Variants in EML6 observed in about 807,000 individuals in gnomAD.
EML6 encodes the protein echinoderm microtubule-associated protein-like 6.
A neutral mutation model predicts 240.1 loss-of-function variants in EML6; 154 were observed. The ratio of observed to expected loss-of-function variants is 0.64; its 90% CI spans 0.56 to 0.73. The LOEUF is 0.73. EML6 is among the 30% of genes least tolerant of loss of function. The pLI is 0.00. For missense variants in EML6, 2,964 were observed against 2,474.6 expected, an observed-to-expected ratio of 1.20 and a Z score of -4.20; for synonymous variants, 1,148 against 899.0, an observed-to-expected ratio of 1.28 and a Z score of -4.95.
At chr2:54,836,429 T>G (rs1249334186) in intron 7 of EML6, among the ~76,000 whole-genome samples, 2 of 152,174 alleles carry the variant, frequency 1.3e-5, no homozygotes, top group East Asian at 3.8e-4. Flanking sequence ...AGAGATTTTG[T>G]AAAAAGAAAT....
At chr2:54,927,311 T>G (rs1573159506) in intron 26 of EML6, among the ~76,000 whole-genome samples, 1 of 152,188 alleles carries the variant, frequency 6.6e-6, no homozygotes, top group Admixed American at 6.5e-5. Context: ...TGCACCTGTT[T>G]CCTGCTGTAT....
intron 28 of EML6, among the ~76,000 whole-genome samples, chr2:54,942,704 G>C (rs1280877759): frequency 1.3e-5 from 2 of 152,088 alleles, no homozygotes; most frequent in African/African-American, 4.8e-5. Flanking sequence ...TTCAGCTCAT[G>C]GTCAACTGGC....
chr2:54,826,047 C>G (rs1321552746), intron 5 of EML6, among the ~76,000 whole-genome samples: 1 of 152,234 alleles, frequency 6.6e-6, no homozygotes, highest in African/African-American at 2.4e-5. Flanking sequence ...CGGGCACAGT[C>G]TGAATATGCT....
chr2:54,814,618 G>C (rs188675472), intron 3 of EML6, among the ~76,000 whole-genome samples: 289 of 152,254 alleles, frequency 1.9e-3, no homozygotes, highest in Middle Eastern at 6.8e-3. Context: ...AATTCTGTAA[G>C]TTGGTGCCAT....
intron 2 of EML6, among the ~76,000 whole-genome samples, chr2:54,737,101 G>A (rs1035829634): frequency 2.0e-5 from 3 of 152,128 alleles, no homozygotes; most frequent in African/African-American, 7.2e-5. Flanking sequence ...GACTATATAT[G>A]AGGTAACAGC....
chr2:54,836,959 G>T (rs1243614096), intron 7 of EML6, among the ~76,000 whole-genome samples: 4 of 152,142 alleles, frequency 2.6e-5, no homozygotes, highest in Non-Finnish European at 5.9e-5. Context: ...CAGGATCCAG[G>T]CTCCCTAGGT....
At chr2:54,911,300 A>G (rs541988322) in intron 25 of EML6, among the ~76,000 whole-genome samples, 6 of 152,320 alleles carry the variant, frequency 3.9e-5, no homozygotes, top group Admixed American at 6.5e-5. Flanking sequence ...TAAGCTAGCA[A>G]TTTGGATGTT....
At chr2:54,835,339 G>A (rs942539751) in intron 7 of EML6, among the ~76,000 whole-genome samples, 15 of 152,216 alleles carry the variant, frequency 9.9e-5, no homozygotes, top group African/African-American at 2.9e-4. Context: ...CCTAGTGTGT[G>A]CTGGAGTCCT....
At chr2:54,761,208 C>T (rs988868265) in intron 2 of EML6, among the ~76,000 whole-genome samples, 2 of 152,000 alleles carry the variant, frequency 1.3e-5, no homozygotes, top group African/African-American at 4.8e-5. Context: ...AGTCATAGTA[C>T]TCCCAGTTTG....
intron 24 of EML6, among the ~76,000 whole-genome samples, chr2:54,907,841 G>A (rs866755706): frequency 6.6e-6 from 1 of 152,036 alleles, no homozygotes; most frequent in South Asian, 2.1e-4. Context: ...TCTTGCTTCT[G>A]CTCCTCATCC....
intron 28 of EML6, among the ~76,000 whole-genome samples, chr2:54,944,307 C>T (rs1675574085): frequency 6.6e-6 from 1 of 152,200 alleles, no homozygotes; most frequent in Non-Finnish European, 1.5e-5. Context: ...TTCCATGATA[C>T]AACCATCTGT....
At chr2:54,906,001 T>A (rs566218066) in intron 24 of EML6, among the ~76,000 whole-genome samples, 2 of 152,358 alleles carry the variant, frequency 1.3e-5, no homozygotes, top group East Asian at 3.8e-4. Flanking sequence ...TGTACAAATA[T>A]ATCTTCAAAA....
chr2:54,889,516 A>G (rs1396839984), intron 17 of EML6, among the ~76,000 whole-genome samples: 1 of 143,024 alleles, frequency 7.0e-6, no homozygotes, highest in East Asian at 2.0e-4. Flanking sequence ...TGTTACATGT[A>G]TCTCGTTGAG....
At chr2:54,866,369 C>T (rs1316031708) in intron 13 of EML6, among the ~76,000 whole-genome samples, 1 of 152,032 alleles carries the variant, frequency 6.6e-6, no homozygotes, top group Non-Finnish European at 1.5e-5. Context: ...AATGTGATTC[C>T]AAAGAGGGAT....
chr2:54,797,181 A>AACAAAC (rs1669855597), intron 2 of EML6, among the ~76,000 whole-genome samples: 1 of 147,678 alleles, frequency 6.8e-6, no homozygotes, highest in African/African-American at 2.5e-5. Context: ...AAAAAAAAAA[A>AACAAAC]AAAAAAAACT....
At chr2:54,958,120 C>T (rs940415110) in intron 33 of EML6, 122 bp downstream of exon 33, 12 of 802,406 alleles carry the variant, frequency 1.5e-5, no homozygotes, top group South Asian at 7.3e-5. Flanking sequence ...TTTCCACATT[C>T]GCTCCTGTAC....
chr2:54,960,391 C>A, intron 35 of EML6, 57 bp downstream of exon 35: 2 of 1,302,834 alleles, frequency 1.5e-6, no homozygotes, highest in Non-Finnish European at 2.1e-6. Context: ...GTGTAGGTAC[C>A]CTCCCAGCCG....
chr2:54,876,985 A>AT (rs34591538), intron 16 of EML6, among the ~76,000 whole-genome samples: 1,593 of 145,978 alleles, frequency 0.011, 18 homozygotes, highest in Middle Eastern at 0.018. Flanking sequence ...CCAAAAAAAA[A>AT]TTTTTTTTTT....
chr2:54,927,805 C>G (rs556683183), intron 26 of EML6, among the ~76,000 whole-genome samples: 2 of 152,264 alleles, frequency 1.3e-5, no homozygotes, highest in African/African-American at 4.8e-5. Context: ...AAAATTCTTT[C>G]TAGCGTCTGT....
Sources: gnomAD v4.1 joint callset for allele counts (sites outside exome capture counted in the v4.1 genomes callset) on GRCh38, gnomAD v4.1.1 for gene constraint, MANE v1.5 for transcripts, NCBI Gene and HGNC (gene_info 2026-07-23, HGNC 2026-07-21) for gene names.